RORA: variants seen among roughly 807,000 people sequenced by gnomAD.
The protein encoded by RORA is nuclear receptor ROR-alpha.
In RORA, 7 loss-of-function variants were observed where a neutral mutation model predicts 69.5. The ratio of observed to expected loss-of-function variants is 0.10; its 90% CI spans 0.06 to 0.19. The LOEUF (loss-of-function observed/expected upper bound fraction) is 0.19, where lower values mean the gene tolerates loss of function less well. RORA is among the 10% of genes least tolerant of loss of function. The pLI is 1.00. For synonymous variants in RORA, 261 were observed against 240.8 expected, an observed-to-expected ratio of 1.08 and a Z score of -0.78; for missense variants, 457 against 663.0, an observed-to-expected ratio of 0.69 and a Z score of 3.41.
chr15:61,038,227 T>G (rs1422538659), intron 1 of RORA, among the ~76,000 whole-genome samples: 2 of 152,232 alleles, frequency 1.3e-5, no homozygotes, highest in Non-Finnish European at 2.9e-5. Context: ...AAAGCGCAAG[T>G]CTGGGAAGGC....
At chr15:61,051,370 G>T (rs890805342) in intron 1 of RORA, among the ~76,000 whole-genome samples, 2 of 152,172 alleles carry the variant, frequency 1.3e-5, no homozygotes, top group Non-Finnish European at 2.9e-5. Flanking sequence ...AGCACGCTTT[G>T]TGGGGCACAC....
intron 1 of RORA, among the ~76,000 whole-genome samples, chr15:61,027,288 T>C (rs1748060016): frequency 6.6e-6 from 1 of 152,220 alleles, no homozygotes; most frequent in Non-Finnish European, 1.5e-5. Flanking sequence ...CCAATTTCAT[T>C]TTAGTCTTGG....
chr15:60,729,081 T>C (rs1343038772), intron 1 of RORA, among the ~76,000 whole-genome samples: 1 of 152,118 alleles, frequency 6.6e-6, no homozygotes, highest in African/African-American at 2.4e-5. Flanking sequence ...TGGAAGCCAA[T>C]AGGAAAGGCC....
At chr15:61,168,559 C>G (rs574869343) in intron 1 of RORA, among the ~76,000 whole-genome samples, 1 of 151,908 alleles carries the variant, frequency 6.6e-6, no homozygotes, top group Non-Finnish European at 1.5e-5. Context: ...GTGCCTGGCC[C>G]TTGTATTATA....
chr15:60,842,688 A>G (rs561097207), intron 1 of RORA, among the ~76,000 whole-genome samples: 5 of 151,740 alleles, frequency 3.3e-5, no homozygotes, highest in South Asian at 2.1e-4. Context: ...TGCTGCTGTC[A>G]CACCCCTCCC....
chr15:61,120,764 G>T (rs1163422043), intron 1 of RORA, among the ~76,000 whole-genome samples: 1 of 148,482 alleles, frequency 6.7e-6, no homozygotes, highest in Non-Finnish European at 1.5e-5. Context: ...ATGAATCAAA[G>T]CCTTAGATTC....
intron 1 of RORA, among the ~76,000 whole-genome samples, chr15:60,990,738 T>C (rs1192609640): frequency 6.6e-6 from 1 of 152,174 alleles, no homozygotes; most frequent in South Asian, 2.1e-4. Flanking sequence ...ACCTACAGCA[T>C]GAGTTTTCCA....
At chr15:60,598,411 CCT>C (rs942918921) in intron 2 of RORA, 12 of 152,308 alleles carry the variant, frequency 7.9e-5, no homozygotes, top group African/African-American at 2.9e-4. Context: ...TTCTGCCACC[CCT>C]GAGACAGTAA....
chr15:60,692,373 C>G (rs543855491), intron 1 of RORA, among the ~76,000 whole-genome samples: 2 of 152,292 alleles, frequency 1.3e-5, no homozygotes, highest in East Asian at 3.9e-4. Context: ...GACTAATACT[C>G]TTTTGGACCA....
At chr15:61,066,418 C>CTTTTTTTTTTTTTTTTTT (rs1168663714) in intron 1 of RORA, among the ~76,000 whole-genome samples, 48 of 80,964 alleles carry the variant, frequency 5.9e-4, no homozygotes, top group Non-Finnish European at 7.6e-4. Flanking sequence ...GGGCATATTC[C>CTTTTTTTTTTTTTTTTTT]TTTTTTTTTT....
intron 1 of RORA, among the ~76,000 whole-genome samples, chr15:61,001,566 C>T (rs958149597): frequency 1.3e-5 from 2 of 152,168 alleles, no homozygotes; most frequent in Admixed American, 1.3e-4. Flanking sequence ...GACGGCTGCC[C>T]AAGGCCACAT....
intron 1 of RORA, among the ~76,000 whole-genome samples, chr15:61,042,987 T>G (rs1480975035): frequency 1.3e-5 from 2 of 152,176 alleles, no homozygotes; most frequent in African/African-American, 2.4e-5. Flanking sequence ...CTGCTCACAT[T>G]GTTTATAACT....
intron 2 of RORA, among the ~76,000 whole-genome samples, chr15:60,619,642 A>G (rs1346773850): frequency 2.0e-5 from 3 of 152,180 alleles, no homozygotes; most frequent in Non-Finnish European, 4.4e-5. Context: ...TCTGCATACA[A>G]GCGGGAGTTC....
chr15:61,210,635 C>A (rs1002893147), intron 1 of RORA, among the ~76,000 whole-genome samples: 2 of 152,084 alleles, frequency 1.3e-5, no homozygotes, highest in East Asian at 3.8e-4. Context: ...GCTATGAATA[C>A]CCTTTTATGT....
At chr15:61,135,677 G>C (rs962072071) in intron 1 of RORA, among the ~76,000 whole-genome samples, 1 of 151,332 alleles carries the variant, frequency 6.6e-6, no homozygotes, top group Non-Finnish European at 1.5e-5. Context: ...AGCTGCTTTT[G>C]CCGGGTACCA....
chr15:60,577,750 A>C (rs181479640), intron 2 of RORA, among the ~76,000 whole-genome samples: 2 of 152,276 alleles, frequency 1.3e-5, no homozygotes, highest in Admixed American at 1.3e-4. Context: ...CAATTTACTT[A>C]TAATTCAACT....
chr15:60,838,953 A>T (rs1261488037), intron 1 of RORA, among the ~76,000 whole-genome samples: 1 of 147,384 alleles, frequency 6.8e-6, no homozygotes, highest in Non-Finnish European at 1.5e-5. Context: ...CAGTGGCGCG[A>T]TCTCTCCTCA....
intron 1 of RORA, among the ~76,000 whole-genome samples, chr15:60,984,431 A>G (rs1193274475): frequency 6.6e-6 from 1 of 150,904 alleles, no homozygotes; most frequent in African/African-American, 2.4e-5. Flanking sequence ...TAATATTAGT[A>G]TAATAATAAT....
chr15:61,003,445 A>T (rs891124009), intron 1 of RORA, among the ~76,000 whole-genome samples: 1 of 152,202 alleles, frequency 6.6e-6, no homozygotes, highest in Admixed American at 6.5e-5. Flanking sequence ...ATGAATTAAC[A>T]AATTCATTAA....
Sources: allele counts gnomAD v4.1 joint callset (sites outside exome capture counted in the v4.1 genomes callset), GRCh38; gene constraint gnomAD v4.1.1; transcripts MANE v1.5; gene names NCBI Gene and HGNC (gene_info 2026-07-23, HGNC 2026-07-21).